Variants in SCUBE1 observed in about 807,000 individuals in gnomAD.
The protein encoded by SCUBE1 is signal peptide, CUB domain and EGF like domain containing 1.
A neutral mutation model predicts 124.4 loss-of-function variants in SCUBE1; 59 were observed. The ratio of observed to expected loss-of-function variants is 0.47; its 90% CI spans 0.38 to 0.59. SCUBE1 has a LOEUF of 0.59. Among genes scored for constraint, SCUBE1 ranks in the 20% least tolerant of loss-of-function variants. The pLI, the probability that SCUBE1 is intolerant of heterozygous loss-of-function variation, is 0.00. For missense variants in SCUBE1, 1,150 were observed against 1,371.2 expected (o/e 0.84, Z 2.55); for synonymous variants, 545 against 550.9 (o/e 0.99, Z 0.15).
chr22:43,300,111 T>G (rs925929911), intron 3 of SCUBE1, among the ~76,000 whole-genome samples: 1 of 152,190 alleles, frequency 6.6e-6, no homozygotes, highest in Non-Finnish European at 1.5e-5. Context: ...CGTGGGGGTA[T>G]ACGCCTTCAG....
intron 2 of SCUBE1, among the ~76,000 whole-genome samples, chr22:43,325,933 T>C (rs1021863294): frequency 5.1e-5 from 7 of 138,036 alleles, no homozygotes; most frequent in African/African-American, 1.7e-4. Context: ...GGGTGAGGTG[T>C]TTTTTTTTTT....
chr22:43,216,106 G>C (rs1174028251), intron 15 of SCUBE1, among the ~76,000 whole-genome samples: 2 of 151,960 alleles, frequency 1.3e-5, no homozygotes, highest in African/African-American at 4.8e-5. Context: ...GAGTGCAGTG[G>C]TGTGATCTCA....
chr22:43,225,912 C>T (rs1436271751), intron 10 of SCUBE1, among the ~76,000 whole-genome samples: 1 of 152,108 alleles, frequency 6.6e-6, no homozygotes, highest in Non-Finnish European at 1.5e-5. Flanking sequence ...CTGCCTCCGC[C>T]ACCCGTACAA....
rs1923758801 is a variant in SCUBE1, at chr22:43,258,675, C to T, written c.611-340G>A. On this transcript the variant is annotated intron_variant, in intron 5 of 21. Coordinates refer to ENST00000360835, the MANE Select transcript of SCUBE1 (RefSeq NM_173050.5). The surrounding 1 kb of genome is among the most constrained non-coding windows in gnomAD (Gnocchi z 5.0). ...TCTCAGACTGCAGGACATTTTATAG[C>T]TGCCTGTCTTGATGGGGCAAATGTT... 6.6e-6 allele frequency among the ~76,000 whole-genome samples: 1 copy of T among 152,202 alleles called. No individual in the cohort carries two copies. The highest frequency in any genetic ancestry group is 2.1e-4 in the South Asian group (1 of 4,832).
At chr22:43,243,600 G>C (rs1169960947) in intron 6 of SCUBE1, among the ~76,000 whole-genome samples, 2 of 152,250 alleles carry the variant, frequency 1.3e-5, no homozygotes, top group Non-Finnish European at 2.9e-5. Context: ...CGCCGCCCCA[G>C]GTCTGGGACA....
In SCUBE1 at chr22:43,223,043, A is replaced by G; in HGVS notation, c.1327+54T>C. The G allele has an allele frequency of 2.0e-6, 3 of 1,497,130 alleles. No homozygotes were observed. In the South Asian group the frequency reaches 4.2e-5, roughly 21 times the overall value. The allele number at this position is 1,497,130 out of a possible 1,614,324, so 92.7% of individuals were successfully genotyped here. On this transcript the variant is annotated intron_variant, in intron 11 of 21. Transcript: ENST00000360835. ...CAGCTGGGAGCAATGGTGGGACCCCAGGGAGGAAGACCCCCCTGCCACAGC... is the reference window on the plus strand; with the variant it reads ...CAGCTGGGAGCAATGGTGGGACCCCGGGGAGGAAGACCCCCCTGCCACAGC...
intron 5 of SCUBE1, among the ~76,000 whole-genome samples, chr22:43,261,005 G>A (rs1198809237): frequency 1.3e-5 from 2 of 152,248 alleles, no homozygotes; most frequent in African/African-American, 4.8e-5. Context: ...CCTGGCACTG[G>A]GCTCAAGGCC....
intron 8 of SCUBE1, among the ~76,000 whole-genome samples, chr22:43,230,671 C>A (rs898514719): frequency 2.0e-5 from 3 of 152,210 alleles, no homozygotes; most frequent in Non-Finnish European, 4.4e-5. Flanking sequence ...AGACCTCAGG[C>A]CCTGAGGAGA....
chr22:43,298,385 C>A (rs1360809123), intron 3 of SCUBE1, among the ~76,000 whole-genome samples: 4 of 152,232 alleles, frequency 2.6e-5, no homozygotes, highest in Non-Finnish European at 4.4e-5. Context: ...AGACACAGAG[C>A]CAACCTCTTG....
At chr22:43,339,681 A>T (rs1264093416) in intron 1 of SCUBE1, among the ~76,000 whole-genome samples, 1 of 46,214 alleles carries the variant, frequency 2.2e-5, no homozygotes, top group Non-Finnish European at 4.2e-5. Flanking sequence ...TCCTCACTCT[A>T]TCCCCCCACA....
intron 6 of SCUBE1, among the ~76,000 whole-genome samples, chr22:43,254,005 T>C (rs1923561953): frequency 6.6e-6 from 1 of 152,244 alleles, no homozygotes; most frequent in East Asian, 1.9e-4. Flanking sequence ...GACTCATGCC[T>C]GCCTGGAGGG....
At chr22:43,287,929 C>T (rs1368652869) in intron 4 of SCUBE1, among the ~76,000 whole-genome samples, 1 of 152,220 alleles carries the variant, frequency 6.6e-6, no homozygotes, top group Non-Finnish European at 1.5e-5. Flanking sequence ...TCCCTGTCTC[C>T]CCAATGGGCA....
Position 43,336,464 on chromosome 22 carries a change from C to T in SCUBE1, c.220+2640G>A, listed in dbSNP as rs183312359. Among the ~76,000 whole-genome samples, 12 of 152,320 alleles carry T rather than the reference C, an allele frequency of 7.9e-5. No homozygotes were observed. In the East Asian group the frequency reaches 2.3e-3, roughly 29 times the overall value. On this transcript the variant is annotated intron_variant, in intron 2 of 21. Coordinates refer to ENST00000360835, the MANE Select transcript of SCUBE1 (RefSeq NM_173050.5). ...AGACTAAATGTTTTCTGCAGACCCG[C>T]GCTAGTGCCAGGCCCTGCCCCGTGA...
intron 3 of SCUBE1, among the ~76,000 whole-genome samples, chr22:43,304,332 C>T (rs917907323): frequency 3.9e-5 from 6 of 152,266 alleles, no homozygotes; most frequent in African/African-American, 1.4e-4. Context: ...AGGCACCACA[C>T]TGGTGCATGG....
chr22:43,330,668 G>C (rs1926877125), intron 2 of SCUBE1, among the ~76,000 whole-genome samples: 3 of 152,218 alleles, frequency 2.0e-5, no homozygotes, highest in African/African-American at 7.2e-5. Context: ...GGGTGAACTT[G>C]CCTCCAGTGT....
intron 11 of SCUBE1, 91 bp downstream of exon 11, chr22:43,222,989 ATTCCTAGGTCAGACTCT>A: frequency 7.0e-7 from 1 of 1,420,032 alleles, no homozygotes; most frequent in Non-Finnish European, 9.5e-7. Context: ...AGAGACCCTC[ATTCCTAGGTCAGACTCT>A]TTCCTGGAGG....
intron 3 of SCUBE1, chr22:43,318,127 C>T (rs912914206): frequency 6.6e-6 from 1 of 152,204 alleles, no homozygotes; most frequent in East Asian, 1.9e-4. Flanking sequence ...GTTACTTTGT[C>T]ATGGCAGCCC....
At chr22:43,297,652 C>T (rs567669565) in intron 3 of SCUBE1, among the ~76,000 whole-genome samples, 1 of 152,374 alleles carries the variant, frequency 6.6e-6, no homozygotes, top group South Asian at 2.1e-4. Flanking sequence ...CCTCTGCAGG[C>T]AGGACCAGTT....
chr22:43,325,246 A>T (rs1446597642), intron 2 of SCUBE1, among the ~76,000 whole-genome samples: 1 of 151,936 alleles, frequency 6.6e-6, no homozygotes, highest in Non-Finnish European at 1.5e-5. Context: ...TTGGAGCCAC[A>T]TCCTTGGGGT....
Sources: gnomAD v4.1 joint callset for allele counts (sites outside exome capture counted in the v4.1 genomes callset) on GRCh38, gnomAD v4.1.1 for gene constraint, Gnocchi (gnomAD v3.1) non-coding constraint, MANE v1.5 for transcripts, NCBI Gene and HGNC (gene_info 2026-07-23, HGNC 2026-07-21) for gene names.